SPTBN4: variants seen among roughly 807,000 people sequenced by gnomAD.
SPTBN4 encodes spectrin beta, non-erythrocytic 4.
In SPTBN4, 96 loss-of-function variants were observed where a neutral mutation model predicts 277.8. The observed-to-expected ratio is 0.35, with a 90% CI of 0.29 to 0.41. The LOEUF (loss-of-function observed/expected upper bound fraction) is 0.41. Among genes scored for constraint, SPTBN4 ranks in the 10% least tolerant of loss-of-function variants. The pLI, the probability that SPTBN4 is intolerant of heterozygous loss-of-function variation, is 1.00. For synonymous variants in SPTBN4, 1,481 were observed against 1,580.3 expected, an observed-to-expected ratio of 0.94 and a Z score of 1.49; for missense variants, 3,006 against 3,595.7, an observed-to-expected ratio of 0.84 and a Z score of 4.19.
intron 20 of SPTBN4, among the ~76,000 whole-genome samples, chr19:40,541,767 C>G (rs1284331581): frequency 6.6e-6 from 1 of 152,156 alleles, no homozygotes; most frequent in Non-Finnish European, 1.5e-5. Flanking sequence ...TATTTTGAGA[C>G]AGAATCTTAC....
chr19:40,509,159 C>A (rs1222161230), intron 13 of SPTBN4, among the ~76,000 whole-genome samples: 1 of 148,474 alleles, frequency 6.7e-6, no homozygotes, highest in East Asian at 2.0e-4. Context: ...TGGGCTCAAG[C>A]AATCCTCCCG....
At chr19:40,525,395 T>C (rs1697230542) in intron 17 of SPTBN4, among the ~76,000 whole-genome samples, 1 of 148,292 alleles carries the variant, frequency 6.7e-6, no homozygotes, top group Admixed American at 6.9e-5. Flanking sequence ...CAATCATAGC[T>C]CACTGCAGCC....
At position 40,558,911 on chromosome 19, in the gene SPTBN4, A is replaced by AATTATTATTATT. The variant is rs371965577; in HGVS notation, c.5671-1221_5671-1210dup. ...GCATGAGCTACTATGCCCAGCTGGC[A>AATTATTATTATT]ATTATTATTATTATTATTATTATTA... On this transcript the variant is annotated intron_variant, in intron 26 of 35. Transcript: ENST00000598249. 4.5e-3 allele frequency among the ~76,000 whole-genome samples: 572 copies of AATTATTATTATT among 125,940 alleles called. 2 individuals carry two copies. Among genetic ancestry groups the AATTATTATTATT allele is most frequent in the East Asian group, 0.011 (46 of 4,298 alleles). The allele number at this position is 125,940 out of a possible 152,430, so 82.6% of individuals were successfully genotyped here. A position where few individuals can be genotyped will look rare whatever the true frequency, so the allele number is the denominator to read the frequency against.
chr19:40,486,297 A>G (rs925184996), intron 2 of SPTBN4, among the ~76,000 whole-genome samples: 23 of 151,996 alleles, frequency 1.5e-4, no homozygotes, highest in Non-Finnish European at 3.2e-4. Context: ...GTCTCAAGGG[A>G]AAAAAAAGGA....
intron 20 of SPTBN4, among the ~76,000 whole-genome samples, chr19:40,535,681 C>T (rs1599777358): frequency 6.6e-6 from 1 of 152,160 alleles, no homozygotes; most frequent in East Asian, 1.9e-4. Context: ...GCCTGTAACC[C>T]CAGCACTTCG....
rs571997543 is a variant in SPTBN4 at position 40,507,738 on chromosome 19, G to A, written c.1816+1352G>A. On this transcript the variant is annotated intron_variant, in intron 13 of 35. Transcript: ENST00000598249. ...TAATCCTAGTTACTCAGGAGGCTGA[G>A]GTGGGAGGATTGCTTGAACCCAGGA... Among the ~76,000 whole-genome samples, 35 of 152,276 alleles carry A rather than the reference G, an allele frequency of 2.3e-4. 1 individual carries two copies. In the South Asian group the frequency reaches 7.1e-3, roughly 31 times the overall value.
chr19:40,529,521 C>G (rs2080638684), intron 18 of SPTBN4, among the ~76,000 whole-genome samples: 1 of 152,188 alleles, frequency 6.6e-6, no homozygotes, highest in Admixed American at 6.5e-5. Flanking sequence ...CCTGCGCCCT[C>G]CTGCAGCCAG....
intron 2 of SPTBN4, among the ~76,000 whole-genome samples, chr19:40,479,673 A>G (rs2145810223): frequency 1.3e-5 from 1 of 75,184 alleles, no homozygotes; most frequent in East Asian, 2.8e-4. Flanking sequence ...CTAATGAGTA[A>G]GCATATATAT....
At chr19:40,536,510 G>A (rs1432914502) in intron 20 of SPTBN4, among the ~76,000 whole-genome samples, 2 of 152,002 alleles carry the variant, frequency 1.3e-5, no homozygotes, top group South Asian at 2.1e-4. Flanking sequence ...CACTGTGCCC[G>A]GCCAATGAGG....
Position 40,513,273 on chromosome 19 carries a change from C to T in SPTBN4, c.2484C>T (p.Pro828=). Residue 828 remains proline, a synonymous_variant, in exon 14 of 36, where the codon CCC becomes CCT. Transcript: ENST00000598249. ...LTGEVEAHRG[P]VSGLRRQLAT... ...GGGAGGTGGAGGCACATCGCGGGCC[C>T]GTGAGCGGCCTGCGGCGCCAGCTGG... The T allele has an allele frequency of 5.2e-6, 8 of 1,534,092 alleles. 1 individual carries two copies. The highest frequency in any genetic ancestry group is 7.0e-6 in the Non-Finnish European group (8 of 1,145,668).
intron 12 of SPTBN4, 43 bp downstream of exon 12, chr19:40,504,175 GA>G (rs1461290423): frequency 2.0e-6 from 3 of 1,514,222 alleles, no homozygotes; most frequent in African/African-American, 2.8e-5. Context: ...TGCCAGGAGG[GA>G]GGGGAGGATG....
intron 35 of SPTBN4, 80 bp from the exon 36 acceptor site, chr19:40,575,331 G>A (rs2081191353): frequency 6.7e-7 from 1 of 1,482,942 alleles, no homozygotes; most frequent in Non-Finnish European, 9.1e-7. Context: ...TTTCAGAGAG[G>A]GTAGTCTGAT....
At chr19:40,547,683 C>T (rs1427839296) in intron 20 of SPTBN4, among the ~76,000 whole-genome samples, 1 of 152,224 alleles carries the variant, frequency 6.6e-6, no homozygotes, top group Admixed American at 6.5e-5. Flanking sequence ...ACATCCTCTC[C>T]AGCATCTGTT....
At chr19:40,476,955 C>G (rs1020132942) in intron 2 of SPTBN4, among the ~76,000 whole-genome samples, 11 of 151,876 alleles carry the variant, frequency 7.2e-5, no homozygotes, top group Non-Finnish European at 1.3e-4. Context: ...AGGTCTCAAA[C>G]TCCCGGTGTC....
intron 27 of SPTBN4, 122 bp from the exon 28 acceptor site, chr19:40,565,297 AAAGT>A (rs1038362896): frequency 8.4e-6 from 10 of 1,192,826 alleles, no homozygotes; most frequent in African/African-American, 3.1e-5. Flanking sequence ...AAAAGAAAAG[AAAGT>A]AAGTGTCTTG....
At chr19:40,567,607 C>T in intron 30 of SPTBN4, 56 bp from the exon 31 acceptor site, 1 of 1,371,570 alleles carries the variant, frequency 7.3e-7, no homozygotes, top group Non-Finnish European at 9.6e-7. Flanking sequence ...CGGACCTCCC[C>T]CTTACCCCGC....
rs137875937 is a variant in SPTBN4, at chr19:40,489,181, G to T, written c.322-894G>T. Among the ~76,000 whole-genome samples the T allele has an allele frequency of 3.4e-3, 473 of 140,460 alleles. 7 individuals are homozygous for T. Among genetic ancestry groups the T allele is most frequent in the African/African-American group, 9.5e-3 (353 of 37,290 alleles). The allele number at this position is 140,460 out of a possible 152,430, so 92.1% of individuals were successfully genotyped here. ...CGACTGCACTCCAGCCTGGGCGACA[G>T]AGTGAGACTCCGTTTCAAAAACAAC... On this transcript the variant is annotated intron_variant, in intron 3 of 35. Coordinates refer to ENST00000598249, the MANE Select transcript of SPTBN4 (RefSeq NM_020971.3).
In SPTBN4 at chr19:40,526,057, T is replaced by C. The variant is rs553787777; in HGVS notation, c.3857+2418T>C. Among the ~76,000 whole-genome samples, 1,421 of 151,896 alleles carry C rather than the reference T, an allele frequency of 9.4e-3. 8 individuals carry two copies. Among genetic ancestry groups the C allele is most frequent in the Admixed American group, 0.014 (213 of 15,258 alleles). The stretch of plus-strand genomic sequence containing the variant: ...GCTGGGGACTGGGGCCCTGGGGCCC[T>C]GGGGGTCTTAGACCTGGCTTCACCC... On this transcript the variant is annotated intron_variant, in intron 17 of 35. Transcript: ENST00000598249.
intron 26 of SPTBN4, 152 bp downstream of exon 26, chr19:40,557,555 G>A: frequency 1.1e-6 from 1 of 950,918 alleles, no homozygotes; most frequent in Non-Finnish European, 1.5e-6. Flanking sequence ...AGATAATGGA[G>A]CAGATAGAAA....
Sources: allele counts gnomAD v4.1 joint callset (sites outside exome capture counted in the v4.1 genomes callset), GRCh38; gene constraint gnomAD v4.1.1; transcripts MANE v1.5; gene names NCBI Gene and HGNC (gene_info 2026-07-23, HGNC 2026-07-21).